FGF23: variants seen among roughly 807,000 people sequenced by gnomAD.
FGF23 encodes the protein phosphatonin.
Under a neutral mutation model 9.0 loss-of-function variants are expected in FGF23, and 8 were observed. The ratio of observed to expected loss-of-function variants is 0.89; its 90% CI spans 0.52 to 1.60. The LOEUF is 1.60. FGF23 is among the 40% of genes most tolerant of loss of function. The pLI is 0.00. For missense variants in FGF23, 311 were observed against 344.3 expected, an observed-to-expected ratio of 0.90 and a Z score of 0.77; for synonymous variants, 118 against 146.2, an observed-to-expected ratio of 0.81 and a Z score of 1.39.
chr12:4,373,271 C>T (rs1865082676), intron 1 of FGF23, among the ~76,000 whole-genome samples: 1 of 152,202 alleles, frequency 6.6e-6, no homozygotes, highest in Admixed American at 6.5e-5. Flanking sequence ...AGACCAGGCT[C>T]AGGCGTCACC....
rs1334334666 is a variant in FGF23 at position 4,374,421 on chromosome 12, G to A, written c.212-1724C>T. On this transcript the variant is annotated intron_variant, in intron 1 of 2. Transcript: ENST00000237837. ...TCCCAGCACTCTGGGAGGCTGAGGC[G>A]GGTGGATCATGAGGTCAGGAGATCA... 2.0e-5 allele frequency among the ~76,000 whole-genome samples: 3 copies of A among 152,218 alleles called. No homozygotes were observed. In the East Asian group the frequency reaches 5.8e-4, roughly 29 times the overall value.
rs563051983 is a variant in FGF23, at chr12:4,375,221, C to T, written c.212-2524G>A. Among the ~76,000 whole-genome samples, 9 of 152,268 alleles carry T rather than the reference C, an allele frequency of 5.9e-5. No homozygotes were observed. The East Asian group carries it at 7.7e-4, about 13-fold the overall frequency. ...AGTGTCGAGCAAACAGAGGACATCACGTGGCGTGTTCTGACCTGCTGTTTA... is the reference window on the plus strand; with the variant it reads ...AGTGTCGAGCAAACAGAGGACATCATGTGGCGTGTTCTGACCTGCTGTTTA... On this transcript the variant is annotated intron_variant, in intron 1 of 2. Transcript: ENST00000237837.
intron 1 of FGF23, among the ~76,000 whole-genome samples, chr12:4,373,143 C>G (rs1261057314): frequency 6.6e-6 from 1 of 152,198 alleles, no homozygotes; most frequent in Non-Finnish European, 1.5e-5. Context: ...GTCTGATTCT[C>G]CTCCTGGATG....
At chr12:4,373,362 C>T (rs959832471) in intron 1 of FGF23, among the ~76,000 whole-genome samples, 4 of 152,204 alleles carry the variant, frequency 2.6e-5, no homozygotes, top group African/African-American at 9.7e-5. Flanking sequence ...ATGCCTTCAC[C>T]TCTATTACAG....
rs138972495 is a variant in FGF23, at chr12:4,370,757, C to A, written c.342G>T (p.Arg114Ser). Residue 114 changes from arginine to serine, a missense_variant, in exon 3 of 3, where the codon AGG becomes AGT. Arg to Ser is a moderately radical substitution (Grantham distance 110). Coordinates refer to ENST00000237837, the MANE Select transcript of FGF23 (RefSeq NM_020638.3). ...CGTTTTCCAGCGTCTGGTGTTGGAA[C>A]CTGCAGTTCTCCGGGTCGAAATAGT... ...GSHYFDPENCRFQHQTLENGY... is the reference protein window; with the variant it reads ...GSHYFDPENCSFQHQTLENGY... The A allele has an allele frequency of 6.2e-7, 1 of 1,613,948 alleles. No individual in the cohort carries two copies. The highest frequency in any genetic ancestry group is 8.5e-7 in the Non-Finnish European group (1 of 1,180,020).
At chr12:4,379,144 C>A (rs962567732) in intron 1 of FGF23, among the ~76,000 whole-genome samples, 1 of 152,054 alleles carries the variant, frequency 6.6e-6, no homozygotes, top group Non-Finnish European at 1.5e-5. Flanking sequence ...TTGAGAAAAA[C>A]CAGCAAATGC....
Position 4,370,487 on chromosome 12 carries a change from G to A in FGF23, c.612C>T (p.Ala204=), listed in dbSNP as rs374830674. The change falls in exon 3 of 3, where the codon GCC becomes GCT. Residue 204 remains alanine (A), a synonymous_variant. Coordinates refer to ENST00000237837, the MANE Select transcript of FGF23 (RefSeq NM_020638.3). ...KPRARMTPAP[A]SCSQELPSAE... is the part of the protein sequence containing the mutation. The stretch of plus-strand genomic sequence containing the variant: ...CGCTCGGGAGCTCCTGTGAACAGGA[G>A]GCCGGGGCCGGGGTCATCCGGGCCC... 3 of 1,611,588 alleles carry A rather than the reference G, an allele frequency of 1.9e-6. No homozygotes were observed. In the African/African-American group the frequency reaches 4.0e-5, roughly 22 times the overall value.
At chr12:4,377,396 A>G (rs1391908708) in intron 1 of FGF23, among the ~76,000 whole-genome samples, 1 of 123,574 alleles carries the variant, frequency 8.1e-6, no homozygotes, top group African/African-American at 3.0e-5. Flanking sequence ...ATAATCTACT[A>G]TTCTGCATTT....
intron 2 of FGF23, among the ~76,000 whole-genome samples, chr12:4,371,828 C>T (rs1865066538): frequency 6.6e-6 from 1 of 152,130 alleles, no homozygotes. Context: ...TGGCTTTTCA[C>T]CCTTTCTAAT....
chr12:4,374,690 T>G (rs536546201), intron 1 of FGF23, among the ~76,000 whole-genome samples: 2 of 152,192 alleles, frequency 1.3e-5, no homozygotes, highest in Non-Finnish European at 2.9e-5. Context: ...CTGGTGACTT[T>G]TCAGTCTAAT....
In FGF23 at chr12:4,368,997, C is replaced by A. The variant is rs1230821674; in HGVS notation, c.*1346G>T. 2 of 225,936 alleles carry A rather than the reference C, an allele frequency of 8.9e-6. No homozygotes were observed. The highest frequency in any genetic ancestry group is 1.8e-5 in the Non-Finnish European group (2 of 113,630). 14.0% of individuals were successfully genotyped at this position (225,936 alleles called of 1,614,324 possible). ...TGAATCGACTTTGCTTGTTAATATACTGTCCTTTAGGTGGTCATTTAAAGA... is the reference window on the plus strand; with the variant it reads ...TGAATCGACTTTGCTTGTTAATATAATGTCCTTTAGGTGGTCATTTAAAGA... On this transcript the variant is annotated 3_prime_UTR_variant, in exon 3 of 3. Coordinates refer to ENST00000237837, the MANE Select transcript of FGF23 (RefSeq NM_020638.3).
chr12:4,377,142 C>T (rs1274553171), intron 1 of FGF23, among the ~76,000 whole-genome samples: 1 of 152,164 alleles, frequency 6.6e-6, no homozygotes, highest in Non-Finnish European at 1.5e-5. Flanking sequence ...TCCCTTGGGG[C>T]CTGATACGAG....
At chr12:4,373,069 C>A (rs1415395326) in intron 1 of FGF23, among the ~76,000 whole-genome samples, 1 of 152,186 alleles carries the variant, frequency 6.6e-6, no homozygotes, top group Non-Finnish European at 1.5e-5. Context: ...TTCTTCCATG[C>A]CTTCTACTTT....
chr12:4,369,672 T>C lies in FGF23; in HGVS notation c.*671A>G. On this transcript the variant is annotated 3_prime_UTR_variant, in exon 3 of 3. Coordinates refer to ENST00000237837, the MANE Select transcript of FGF23 (RefSeq NM_020638.3). ...TGCTCACCCTGTAGGGAGGCTGAGT[T>C]TTCTATTATGATTCCTGCCTCATTT... is the stretch of plus-strand genomic sequence containing the variant. The C allele has an allele frequency of 4.4e-6, 1 of 229,558 alleles. No homozygotes were observed. The highest frequency in any genetic ancestry group is 8.6e-6 in the Non-Finnish European group (1 of 115,796). 14.2% of individuals were successfully genotyped at this position (229,558 alleles called of 1,614,324 possible). A position where few individuals can be genotyped will look rare whatever the true frequency, so the allele number is the denominator to read the frequency against.
chr12:4,377,457 G>A (rs1179714960), intron 1 of FGF23, among the ~76,000 whole-genome samples: 1 of 106,862 alleles, frequency 9.4e-6, no homozygotes, highest in African/African-American at 3.7e-5. Context: ...TTGAGATGGA[G>A]TCTCGCTCTG....
At position 4,370,338 on chromosome 12, in the gene FGF23, C is replaced by A; in HGVS notation, c.*5G>T. 6.2e-7 allele frequency: 1 copy of A among 1,612,542 alleles called. No homozygotes were observed. Among genetic ancestry groups the A allele is most frequent in the Non-Finnish European group, 8.5e-7 (1 of 1,179,708 alleles). ...TGGGTTAAAGAGGGTGCCCTTCCAG[C>A]GACCCTAGATGAACTTGGCGAAGGG... On this transcript the variant is annotated 3_prime_UTR_variant, in exon 3 of 3. Coordinates refer to ENST00000237837, the MANE Select transcript of FGF23 (RefSeq NM_020638.3).
In FGF23 at chr12:4,379,492, G is replaced by A. The variant is rs962230021; in HGVS notation, c.91C>T (p.Leu31=). Residue 31 remains leucine, a synonymous_variant, in exon 1 of 3, where the codon CTG becomes TTG. Coordinates refer to ENST00000237837, the MANE Select transcript of FGF23 (RefSeq NM_020638.3). ...VLRAYPNASP[L]LGSSWGGLIH... Reference sequence around the variant, plus strand: ...AGGCCACCCCAGCTGGAGCCGAGCAGTGGGGAGGCATTGGGATAGGCTCTG... The same window carrying A: ...AGGCCACCCCAGCTGGAGCCGAGCAATGGGGAGGCATTGGGATAGGCTCTG... 3.1e-6 allele frequency: 5 copies of A among 1,613,224 alleles called. No homozygotes were observed. The highest frequency in any genetic ancestry group is 4.2e-6 in the Non-Finnish European group (5 of 1,179,996).
In FGF23 at chr12:4,379,550, A is replaced by T. The variant is rs1302255926; in HGVS notation, c.33T>A (p.Cys11Ter). 1 of 1,610,772 alleles carries T rather than the reference A, an allele frequency of 6.2e-7. No homozygotes were observed. Among genetic ancestry groups the T allele is most frequent in the Non-Finnish European group, 8.5e-7 (1 of 1,179,712 alleles). Residue 11 changes from cysteine to a stop codon, truncating the protein, a stop_gained, in exon 1 of 3, where the codon TGT becomes TGA. Coordinates refer to ENST00000237837, the MANE Select transcript of FGF23 (RefSeq NM_020638.3). LOFTEE classifies it high-confidence loss of function. The stretch of plus-strand genomic sequence containing the variant: ...TCATGCTGCAGACGCTGCACAAGGC[A>T]CAGACCCAGAGCCTGAGGCGGGCCC... MLGARLRLWV[C>*]ALCSVCSMSV...
chr12:4,369,534 A>G lies in FGF23; in HGVS notation c.*809T>C, dbSNP rs533854314. The G allele has an allele frequency of 4.4e-6, 1 of 229,386 alleles. No individual in the cohort carries two copies. The highest frequency in any genetic ancestry group is 1.8e-4 in the South Asian group (1 of 5,502). 14.2% of individuals were successfully genotyped at this position (229,386 alleles called of 1,614,324 possible). ...TATTCCTTAGACCAAATTTTCAAAA[A>G]CCAGAGATGGGGCCAAAAGGTGAGG... On this transcript the variant is annotated 3_prime_UTR_variant, in exon 3 of 3. Transcript: ENST00000237837.
Sources: gnomAD v4.1 joint callset for allele counts (sites outside exome capture counted in the v4.1 genomes callset) on GRCh38, gnomAD v4.1.1 for gene constraint, MANE v1.5 for transcripts, NCBI Gene and HGNC (gene_info 2026-07-23, HGNC 2026-07-21) for gene names.